The following LAT2 variants were observed in gnomAD, a reference collection of about 807,000 sequenced individuals.
LAT2 encodes linker for activation of T cells family member 2.
Under a neutral mutation model 43.4 loss-of-function variants are expected in LAT2, and 23 were observed. That is an observed-to-expected ratio of 0.53 (90% CI 0.38 to 0.75). The LOEUF is 0.75. LAT2 is among the 30% of genes least tolerant of loss of function. LAT2 has a pLI of 0.00. For missense variants in LAT2, 284 were observed against 310.2 expected, an observed-to-expected ratio of 0.92 and a Z score of 0.64; for synonymous variants, 128 against 123.2, an observed-to-expected ratio of 1.04 and a Z score of -0.26.
At chr7:74,221,536 C>CA in intron 9 of LAT2, 101 bp from the exon 10 acceptor site, 2 of 750,498 alleles carry the variant, frequency 2.7e-6, no homozygotes, top group Non-Finnish European at 4.3e-6. Flanking sequence ...CCAAGAGGAG[C>CA]AATGGTGGGA....
In LAT2 at chr7:74,220,681, C is replaced by T. The variant is rs570281546; in HGVS notation, c.302-23C>T. On this transcript the variant is annotated intron_variant, in intron 8 of 13. Transcript: ENST00000460943. This position sits in a 1 kb window ranked among gnomAD's most constrained non-coding sequence, Gnocchi z 4.5. ...GGGGGCCACACCCAGGGGCTCAGGC[C>T]CAATTCTCGCCTCCTCCCGCAGGAA... 1 of 1,611,668 alleles carries T rather than the reference C, an allele frequency of 6.2e-7. No individual in the cohort carries two copies. Among genetic ancestry groups the T allele is most frequent in the Non-Finnish European group, 8.5e-7 (1 of 1,178,094 alleles).
intron 1 of LAT2, among the ~76,000 whole-genome samples, chr7:74,213,032 C>T (rs1801783047): frequency 6.6e-6 from 1 of 152,194 alleles, no homozygotes; most frequent in Non-Finnish European, 1.5e-5. Flanking sequence ...AGCCACACAG[C>T]TTTCAAGGGG....
rs542204000 is a variant in LAT2 at position 74,213,508 on chromosome 7, T to C, written c.-218-1314T>C. On this transcript the variant is annotated intron_variant, in intron 1 of 13. Coordinates refer to ENST00000460943, the MANE Select transcript of LAT2 (RefSeq NM_032464.3). ...GGCATGATCTCGGCCCACTGCAACC[T>C]CCACCTCCTAGGTTCAAGTGATTCT... Among the ~76,000 whole-genome samples, 31 of 139,060 alleles carry C rather than the reference T, an allele frequency of 2.2e-4. No homozygotes were observed. The South Asian group carries it at 7.0e-3, about 32-fold the overall frequency. The allele number at this position is 139,060 out of a possible 152,430, so 91.2% of individuals were successfully genotyped here.
chr7:74,214,049 T>G (rs1322302742), intron 1 of LAT2, among the ~76,000 whole-genome samples: 1 of 134,492 alleles, frequency 7.4e-6, no homozygotes, highest in African/African-American at 2.8e-5. Flanking sequence ...TGTATATATA[T>G]ATATATATGA....
intron 1 of LAT2, among the ~76,000 whole-genome samples, chr7:74,211,290 T>A (rs1801728114): frequency 6.6e-6 from 1 of 152,056 alleles, no homozygotes; most frequent in African/African-American, 2.4e-5. Context: ...AGCACAGAAT[T>A]TTTTTAAACG....
chr7:74,211,895 A>C (rs2116070787), intron 1 of LAT2, among the ~76,000 whole-genome samples: 1 of 152,192 alleles, frequency 6.6e-6, no homozygotes, highest in East Asian at 1.9e-4. Context: ...CCCGGCCAAC[A>C]GCGCAGGATG....
chr7:74,219,182 G>A (rs1051303779), intron 4 of LAT2, among the ~76,000 whole-genome samples: 21 of 151,594 alleles, frequency 1.4e-4, no homozygotes, highest in East Asian at 7.8e-4. Flanking sequence ...GACTACAGGC[G>A]CCCGCCACCG....
rs1554715010 is a variant in LAT2, at chr7:74,220,403, G to C, written c.265+149G>C. 4 of 1,237,828 alleles carry C rather than the reference G, an allele frequency of 3.2e-6. No individual in the cohort carries two copies. Among genetic ancestry groups the C allele is most frequent in the Non-Finnish European group, 4.6e-6 (4 of 863,924 alleles). 76.7% of individuals were successfully genotyped at this position (1,237,828 alleles called of 1,614,324 possible). On this transcript the variant is annotated intron_variant, in intron 7 of 13. Coordinates refer to ENST00000460943, the MANE Select transcript of LAT2 (RefSeq NM_032464.3). The surrounding 1 kb of genome is among the most constrained non-coding windows in gnomAD (Gnocchi z 4.5). ...AGACACACAGGCTGGGGCAGGGCAG[G>C]CTCCTGGAATCGGCCTGGCAGGGGG...
Position 74,220,489 on chromosome 7 carries a change from C to A in LAT2, c.266-95C>A. 2 of 1,513,480 alleles carry A rather than the reference C, an allele frequency of 1.3e-6. No homozygotes were observed. Among genetic ancestry groups the A allele is most frequent in the Admixed American group, 1.8e-5 (1 of 56,312 alleles). The allele number at this position is 1,513,480 out of a possible 1,614,324, so 93.8% of individuals were successfully genotyped here. On this transcript the variant is annotated intron_variant, in intron 7 of 13. Transcript: ENST00000460943. This position sits in a 1 kb window ranked among gnomAD's most constrained non-coding sequence, Gnocchi z 4.5. ...AGGGAGCACTGCAAAGGCTCAGACACGGGAAATAGCTGGCCCTGCCTTGGG... is the reference window on the plus strand; with the variant it reads ...AGGGAGCACTGCAAAGGCTCAGACAAGGGAAATAGCTGGCCCTGCCTTGGG...
At chr7:74,212,234 C>T (rs1474663390) in intron 1 of LAT2, among the ~76,000 whole-genome samples, 5 of 151,918 alleles carry the variant, frequency 3.3e-5, no homozygotes, top group African/African-American at 1.2e-4. Flanking sequence ...TCAGCCACCA[C>T]GCCCAGCCTG....
chr7:74,218,790 G>A (rs1802137716), intron 4 of LAT2, among the ~76,000 whole-genome samples: 1 of 152,162 alleles, frequency 6.6e-6, no homozygotes, highest in Admixed American at 6.5e-5. Flanking sequence ...TCTGCCTCCT[G>A]GCTTCAAGCG....
At position 74,223,784 on chromosome 7, in the gene LAT2, G is replaced by A. The variant is rs781822115; in HGVS notation, c.448+1G>A. 2.5e-6 allele frequency: 4 copies of A among 1,613,816 alleles called. No homozygotes were observed. The highest frequency in any genetic ancestry group is 8.5e-7 in the Non-Finnish European group (1 of 1,179,894). On this transcript the variant is annotated splice_donor_variant, in intron 11 of 13. Transcript: ENST00000460943. LOFTEE classifies it high-confidence loss of function. Reference sequence around the variant, plus strand: ...TGCAAGCAGAAAACCACAGAGACAGGTGAGGCTGCCCAGCCAGAGGCAGGC... The same window carrying A: ...TGCAAGCAGAAAACCACAGAGACAGATGAGGCTGCCCAGCCAGAGGCAGGC...
chr7:74,220,361 C>T lies in LAT2; in HGVS notation c.265+107C>T, dbSNP rs1424533534. On this transcript the variant is annotated intron_variant, in intron 7 of 13. Coordinates refer to ENST00000460943, the MANE Select transcript of LAT2 (RefSeq NM_032464.3). The surrounding 1 kb of genome is among the most constrained non-coding windows in gnomAD (Gnocchi z 4.5). ...GTGCAGTGGGGGCTGCGGGGCCAGG[C>T]GAGGCCTCCCCAGGAGAGACACACA... 5 of 1,359,208 alleles carry T rather than the reference C, an allele frequency of 3.7e-6. No homozygotes were observed. The highest frequency in any genetic ancestry group is 1.9e-5 in the Admixed American group (1 of 52,202). The allele number at this position is 1,359,208 out of a possible 1,614,324, so 84.2% of individuals were successfully genotyped here.
At position 74,221,931 on chromosome 7, in the gene LAT2, G is replaced by A. The variant is rs1173283336; in HGVS notation, c.388+239G>A. ...GGAGAGAGGAGTGGGCCACAGGGCA[G>A]GGAACTAGAGGGCTGGCTTGGGGAG... On this transcript the variant is annotated intron_variant, in intron 10 of 13. Coordinates refer to ENST00000460943, the MANE Select transcript of LAT2 (RefSeq NM_032464.3). Among the ~76,000 whole-genome samples the A allele has an allele frequency of 5.3e-5, 8 of 151,876 alleles. No homozygotes were observed. In the South Asian group the frequency reaches 1.7e-3, roughly 32 times the overall value.
At chr7:74,227,244 G>T (rs1316297188) in intron 13 of LAT2, among the ~76,000 whole-genome samples, 2 of 150,612 alleles carry the variant, frequency 1.3e-5, no homozygotes, top group East Asian at 3.9e-4. Flanking sequence ...TTTTTTGAGA[G>T]GGAGTCTCGC....
intron 12 of LAT2, among the ~76,000 whole-genome samples, 177 bp downstream of exon 12, chr7:74,224,374 C>T (rs1239213081): frequency 4.6e-5 from 7 of 152,154 alleles, no homozygotes; most frequent in Non-Finnish European, 7.4e-5. Flanking sequence ...CCTTGGCAGC[C>T]GCCCAGCCTC....
chr7:74,220,321 C>T lies in LAT2; in HGVS notation c.265+67C>T. On this transcript the variant is annotated intron_variant, in intron 7 of 13. Transcript: ENST00000460943. This position sits in a 1 kb window ranked among gnomAD's most constrained non-coding sequence, Gnocchi z 4.5. ...CTGGGACTAAGACAGGCGAAAACCC[C>T]ATGGGACAGGCGTCGTGCAGTGGGG... The T allele has an allele frequency of 6.5e-7, 1 of 1,542,342 alleles. No individual in the cohort carries two copies. Among genetic ancestry groups the T allele is most frequent in the Non-Finnish European group, 8.9e-7 (1 of 1,127,850 alleles).
intron 4 of LAT2, among the ~76,000 whole-genome samples, chr7:74,219,450 G>A (rs1347469807): frequency 1.3e-5 from 2 of 152,188 alleles, no homozygotes; most frequent in Non-Finnish European, 1.5e-5. Context: ...GGGACCCACC[G>A]GCAGGATGTG....
chr7:74,214,191 T>TATATATATGAAA (rs1399231054), intron 1 of LAT2, among the ~76,000 whole-genome samples: 6 of 98,388 alleles, frequency 6.1e-5, no homozygotes, highest in Non-Finnish European at 3.6e-5. Context: ...TATATATAAA[T>TATATATATGAAA]ATATATATGA....
Sources: allele counts gnomAD v4.1 joint callset (sites outside exome capture counted in the v4.1 genomes callset), GRCh38; gene constraint gnomAD v4.1.1; non-coding constraint Gnocchi (gnomAD v3.1); transcripts MANE v1.5; gene names NCBI Gene and HGNC (gene_info 2026-07-23, HGNC 2026-07-21).